Variants in RHEB observed in about 807,000 individuals in gnomAD.
RHEB encodes GTP-binding protein Rheb.
Under a neutral mutation model 28.8 loss-of-function variants are expected in RHEB, and 2 were observed. The observed-to-expected ratio is 0.07, with a 90% CI of 0.03 to 0.22. RHEB has a LOEUF of 0.22. Among genes scored for constraint, RHEB ranks in the 10% least tolerant of loss-of-function variants. RHEB has a pLI of 1.00. For missense variants in RHEB, 76 were observed against 219.9 expected (o/e 0.35, Z 4.14); for synonymous variants, 69 against 77.3 (o/e 0.89, Z 0.56).
chr7:151,516,677 T>C (rs1032483712), intron 1 of RHEB, among the ~76,000 whole-genome samples: 2 of 152,090 alleles, frequency 1.3e-5, no homozygotes, highest in Non-Finnish European at 2.9e-5. Context: ...CATAGCACTT[T>C]TTTGTTTTAT....
At chr7:151,501,303 C>T (rs978395805) in intron 1 of RHEB, among the ~76,000 whole-genome samples, 3 of 152,148 alleles carry the variant, frequency 2.0e-5, no homozygotes, top group Admixed American at 1.3e-4. Context: ...AAGATCTGAA[C>T]ACTTTAACAA....
intron 7 of RHEB, among the ~76,000 whole-genome samples, chr7:151,467,636 A>G (rs1404573112): frequency 1.3e-5 from 2 of 152,126 alleles, no homozygotes; most frequent in Non-Finnish European, 2.9e-5. Context: ...TGACACTAAG[A>G]GGCCTGAAGT....
intron 1 of RHEB, among the ~76,000 whole-genome samples, 178 bp from the exon 2 acceptor site, chr7:151,491,192 G>T (rs1183793370): frequency 6.6e-6 from 1 of 152,148 alleles, no homozygotes; most frequent in Non-Finnish European, 1.5e-5. Context: ...TCATTAATTT[G>T]CTTTATATGA....
At chr7:151,488,747 T>C (rs1276298198) in intron 2 of RHEB, among the ~76,000 whole-genome samples, 4 of 152,218 alleles carry the variant, frequency 2.6e-5, no homozygotes, top group Non-Finnish European at 4.4e-5. Context: ...TCTTCATTAT[T>C]GAACTGTAAG....
intron 4 of RHEB, among the ~76,000 whole-genome samples, chr7:151,474,759 CTGTTT>C (rs1219004007): frequency 6.6e-6 from 1 of 152,138 alleles, no homozygotes; most frequent in Non-Finnish European, 1.5e-5. Flanking sequence ...TGTGAGACTT[CTGTTT>C]TATTTCACAA....
chr7:151,488,546 A>G (rs573247056), intron 2 of RHEB, among the ~76,000 whole-genome samples: 7 of 152,308 alleles, frequency 4.6e-5, no homozygotes, highest in African/African-American at 1.7e-4. Context: ...ATGTTTTTCT[A>G]CCAAACAGTG....
intron 1 of RHEB, among the ~76,000 whole-genome samples, chr7:151,496,828 G>A (rs1210575198): frequency 6.6e-6 from 1 of 151,994 alleles, no homozygotes; most frequent in Non-Finnish European, 1.5e-5. Flanking sequence ...TGCCCAGGCT[G>A]GAGTGCAGTG....
chr7:151,484,153 A>G (rs970048926), intron 3 of RHEB, among the ~76,000 whole-genome samples: 24 of 152,190 alleles, frequency 1.6e-4, no homozygotes, highest in Non-Finnish European at 2.5e-4. Context: ...CCAGGTCCTC[A>G]TAAGATTAAA....
At chr7:151,510,009 TG>T (rs1272812785) in intron 1 of RHEB, among the ~76,000 whole-genome samples, 1 of 152,228 alleles carries the variant, frequency 6.6e-6, no homozygotes. Context: ...TCGTCTTATT[TG>T]TTGCTTAAAA....
chr7:151,471,819 G>A, intron 4 of RHEB: 1 of 493,202 alleles, frequency 2.0e-6, no homozygotes, highest in Non-Finnish European at 3.6e-6. Context: ...TATTCAAAGT[G>A]AAACAGGTAA....
intron 4 of RHEB, among the ~76,000 whole-genome samples, chr7:151,475,626 T>C (rs1802258006): frequency 6.6e-6 from 1 of 152,200 alleles, no homozygotes; most frequent in South Asian, 2.1e-4. Context: ...AGTGCTCTTA[T>C]AAGTCAGTAA....
In RHEB at chr7:151,519,834, A is replaced by T. The variant is rs992590062; in HGVS notation, c.-323T>A. The T allele has an allele frequency of 8.3e-6, 2 of 241,756 alleles. No homozygotes were observed. The highest frequency in any genetic ancestry group is 1.6e-4 in the East Asian group (2 of 12,878). 15.0% of individuals were successfully genotyped at this position (241,756 alleles called of 1,614,324 possible). A position where few individuals can be genotyped will look rare whatever the true frequency, so the allele number is the denominator to read the frequency against. ...GACGTTTTACTTTAAAGGCAAAAAA[A>T]GGGGACGCCGCGATGCCCCCAGAAA... On this transcript the variant is annotated 5_prime_UTR_variant, in exon 1 of 8. Coordinates refer to ENST00000262187, the MANE Select transcript of RHEB (RefSeq NM_005614.4).
chr7:151,519,712 A>G lies in RHEB; in HGVS notation c.-201T>C, dbSNP rs1803149655. 3 of 359,810 alleles carry G rather than the reference A, an allele frequency of 8.3e-6. No individual in the cohort carries two copies. In the East Asian group the frequency reaches 1.3e-4, roughly 15 times the overall value. 22.3% of individuals were successfully genotyped at this position (359,810 alleles called of 1,614,324 possible). A position where few individuals can be genotyped will look rare whatever the true frequency, so the allele number is the denominator to read the frequency against. Reference sequence around the variant, plus strand: ...GCGCGGCGGCGCCCCTCCCCCCCACAACACGCCCACGTGACCGGCCGGCGT... The same window carrying G: ...GCGCGGCGGCGCCCCTCCCCCCCACGACACGCCCACGTGACCGGCCGGCGT... On this transcript the variant is annotated 5_prime_UTR_variant, in exon 1 of 8. Coordinates refer to ENST00000262187, the MANE Select transcript of RHEB (RefSeq NM_005614.4).
At chr7:151,479,488 C>G (rs916594405) in intron 3 of RHEB, among the ~76,000 whole-genome samples, 3 of 152,092 alleles carry the variant, frequency 2.0e-5, no homozygotes, top group African/African-American at 7.2e-5. Context: ...TCATATCATC[C>G]TGGCTAACAC....
chr7:151,472,624 T>G lies in RHEB; in HGVS notation c.276-1019A>C, dbSNP rs190698602. Among the ~76,000 whole-genome samples the G allele has an allele frequency of 3.2e-4, 48 of 152,322 alleles. No homozygotes were observed. Among genetic ancestry groups the G allele is most frequent in the Non-Finnish European group, 5.3e-4 (36 of 68,036 alleles). ...ATTTCTTACCCCTTCCGTACTTTAT[T>G]TTTCTTGGCAGCATGGTCACAGACA... On this transcript the variant is annotated intron_variant, in intron 4 of 7. Transcript: ENST00000262187. This position sits in a 1 kb window ranked among gnomAD's most constrained non-coding sequence, Gnocchi z 5.2.
chr7:151,474,512 C>A (rs1406453474), intron 4 of RHEB, among the ~76,000 whole-genome samples: 3 of 151,080 alleles, frequency 2.0e-5, no homozygotes, highest in Admixed American at 2.0e-4. Context: ...AGTAACCCGG[C>A]TGCCTCAGAT....
At chr7:151,479,450 A>G (rs1802332518) in intron 3 of RHEB, among the ~76,000 whole-genome samples, 1 of 152,224 alleles carries the variant, frequency 6.6e-6, no homozygotes, top group African/African-American at 2.4e-5. Context: ...TGGGAGGCCA[A>G]GGTGGGCAGA....
At chr7:151,489,945 G>C (rs1174505721) in intron 2 of RHEB, among the ~76,000 whole-genome samples, 1 of 152,194 alleles carries the variant, frequency 6.6e-6, no homozygotes, top group Non-Finnish European at 1.5e-5. Context: ...TCCGGCCGGT[G>C]AAATATGCTT....
intron 7 of RHEB, among the ~76,000 whole-genome samples, chr7:151,467,638 G>T (rs1802090141): frequency 1.3e-5 from 2 of 152,080 alleles, no homozygotes; most frequent in African/African-American, 4.8e-5. Flanking sequence ...ACACTAAGAG[G>T]CCTGAAGTGG....
Sources: gnomAD v4.1 joint callset for allele counts (sites outside exome capture counted in the v4.1 genomes callset) on GRCh38, gnomAD v4.1.1 for gene constraint, Gnocchi (gnomAD v3.1) non-coding constraint, MANE v1.5 for transcripts, NCBI Gene and HGNC (gene_info 2026-07-23, HGNC 2026-07-21) for gene names.